The following NEU3 variants were observed in gnomAD, a reference collection of about 807,000 sequenced individuals.
NEU3 encodes the protein neuraminidase 3.
Under a neutral mutation model 11.4 loss-of-function variants are expected in NEU3, and 10 were observed. The ratio of observed to expected loss-of-function variants is 0.88; its 90% confidence interval spans 0.54 to 1.49. The LOEUF (loss-of-function observed/expected upper bound fraction) is 1.49. Among genes scored for constraint, NEU3 ranks in the 40% most tolerant of loss-of-function variants. NEU3 has a pLI of 0.00. For missense variants in NEU3, 529 were observed against 581.8 expected (o/e 0.91, Z 0.93); for synonymous variants, 212 against 228.2 (o/e 0.93, Z 0.64).
chr11:74,981,161 G>A, the NEU3 span, among the ~76,000 whole-genome samples: 2 of 152,284 alleles, frequency 1.3e-5, no homozygotes, highest in South Asian at 4.1e-4. Flanking sequence ...GATTTTTCTT[G>A]GCTGCCATAA....
Position 75,001,658 on chromosome 11 carries a change from C to T in NEU3, c.307-3755C>T, listed in dbSNP as rs192382436. Among the ~76,000 whole-genome samples, 8 of 152,302 alleles carry T rather than the reference C, an allele frequency of 5.3e-5. No homozygotes were observed. In the East Asian group the frequency reaches 1.5e-3, roughly 29 times the overall value. On this transcript the variant is annotated intron_variant, in intron 2 of 2. Coordinates refer to ENST00000294064, the MANE Select transcript of NEU3 (RefSeq NM_006656.6). The stretch of plus-strand genomic sequence containing the variant: ...CTGTTTTATCTCTGTCAAGCCTCAG[C>T]TTGTTTTATATGTCCCATTGCTCCA...
In NEU3 at chr11:75,009,889, A is replaced by G. The variant is rs1165873223; in HGVS notation, c.*3397A>G. 1 of 152,300 alleles carries G rather than the reference A, an allele frequency of 6.6e-6. No homozygotes were observed. The highest frequency in any genetic ancestry group is 1.5e-5 in the Non-Finnish European group (1 of 68,106). The allele number at this position is 152,300 out of a possible 1,614,324, so 9.4% of individuals were successfully genotyped here. A position where few individuals can be genotyped will look rare whatever the true frequency, so the allele number is the denominator to read the frequency against. ...CCCCTCCGATATTCACAGGACATCAAGCAGCTTCAGCCACGGGTAAGAGGC... is the reference window on the plus strand; with the variant it reads ...CCCCTCCGATATTCACAGGACATCAGGCAGCTTCAGCCACGGGTAAGAGGC... On this transcript the variant is annotated 3_prime_UTR_variant, in exon 3 of 3. Coordinates refer to ENST00000294064, the MANE Select transcript of NEU3 (RefSeq NM_006656.6).
chr11:74,999,350 C>G (rs1948821679), intron 2 of NEU3, among the ~76,000 whole-genome samples: 1 of 152,236 alleles, frequency 6.6e-6, no homozygotes, highest in Admixed American at 6.5e-5. Flanking sequence ...CATAACTTCA[C>G]TACTCAGTAG....
chr11:75,006,422 A>G lies in NEU3; in HGVS notation c.1316A>G (p.Glu439Gly). Residue 439 changes from glutamate (E) to glycine (G), a missense_variant, in exon 3 of 3, where the codon GAG becomes GGG. Physicochemically the swap from Glu to Gly is moderately conservative, Grantham distance 98. Transcript: ENST00000294064. ...GCCTTCCGCCTGTTTACACACCGGG[A>G]GATCCTGAGTCACCTGCAGGGGGAC... Reference protein sequence around the residue: ...QIAFRLFTHREILSHLQGDCT... With the variant: ...QIAFRLFTHRGILSHLQGDCT... 6.2e-7 allele frequency: 1 copy of G among 1,613,978 alleles called. No homozygotes were observed. The highest frequency in any genetic ancestry group is 8.5e-7 in the Non-Finnish European group (1 of 1,179,892).
chr11:74,981,242 G>A, the NEU3 span, among the ~76,000 whole-genome samples: 1 of 152,284 alleles, frequency 6.6e-6, no homozygotes, highest in African/African-American at 2.4e-5. Flanking sequence ...TGAGGATTGA[G>A]TAGTTGTCAG....
At chr11:75,004,748 G>A (rs1028670161) in intron 2 of NEU3, among the ~76,000 whole-genome samples, 3 of 152,144 alleles carry the variant, frequency 2.0e-5, no homozygotes, top group Admixed American at 6.5e-5. Flanking sequence ...TTTGAACTAG[G>A]TGTCTCTGAA....
intron 1 of NEU3, chr11:74,989,898 G>T: frequency 1.5e-6 from 1 of 686,196 alleles, no homozygotes; most frequent in South Asian, 1.5e-5. Flanking sequence ...GTAATCATTT[G>T]AATTCTCTGC....
At chr11:75,005,157 G>A (rs1948884593) in intron 2 of NEU3, among the ~76,000 whole-genome samples, 1 of 152,074 alleles carries the variant, frequency 6.6e-6, no homozygotes, top group African/African-American at 2.4e-5. Context: ...TATGGAGGAT[G>A]ATTTGGAAGT....
chr11:75,019,353 T>G (rs1948993237), downstream of NEU3, among the ~76,000 whole-genome samples: 1 of 152,190 alleles, frequency 6.6e-6, no homozygotes, highest in Admixed American at 6.5e-5. Flanking sequence ...CCTGGAGGCC[T>G]AGAAGGGAAA....
chr11:75,001,054 A>G (rs897141853), intron 2 of NEU3, among the ~76,000 whole-genome samples: 17 of 151,988 alleles, frequency 1.1e-4, no homozygotes, highest in Admixed American at 2.0e-4. Context: ...CATAGTGGCT[A>G]CACCATTTTA....
rs1463306284 is a variant in NEU3, at chr11:75,006,452, C to T, written c.1346C>T (p.Thr449Ile). Residue 449 changes from threonine (T) to isoleucine (I), a missense_variant, in exon 3 of 3, where the codon ACC becomes ATC. Physicochemically the swap from Thr to Ile is moderately conservative, Grantham distance 89. Coordinates refer to ENST00000294064, the MANE Select transcript of NEU3 (RefSeq NM_006656.6). ...CTGAGTCACCTGCAGGGGGACTGCA[C>T]CAGCCCTGGTAGGAACCCAAGCCAA... Reference protein sequence around the residue: ...EILSHLQGDCTSPGRNPSQFK... With the variant: ...EILSHLQGDCISPGRNPSQFK... 1 of 1,613,558 alleles carries T rather than the reference C, an allele frequency of 6.2e-7. No homozygotes were observed. Among genetic ancestry groups the T allele is most frequent in the African/African-American group, 1.3e-5 (1 of 74,886 alleles).
intron 2 of NEU3, among the ~76,000 whole-genome samples, chr11:75,004,069 C>T (rs1458478350): frequency 6.6e-6 from 1 of 152,074 alleles, no homozygotes; most frequent in African/African-American, 2.4e-5. Context: ...ATTTGATGAG[C>T]AGATATATCT....
rs755089060 is a variant in NEU3 at position 75,005,911 on chromosome 11, G to A, written c.805G>A (p.Gly269Ser). Reference protein sequence around the residue: ...CEVAEVTGRAGHPVLYCSART... With the variant: ...CEVAEVTGRASHPVLYCSART... Reference sequence around the variant, plus strand: ...AGTGGCAGAGGTGACTGGGAGGGCTGGCCACCCTGTGCTATATTGCAGTGC... The same window carrying A: ...AGTGGCAGAGGTGACTGGGAGGGCTAGCCACCCTGTGCTATATTGCAGTGC... The change falls in exon 3 of 3, where the codon GGC becomes AGC. Residue 269 changes from glycine (G) to serine (S), a missense_variant. Transcript: ENST00000294064. The A allele has an allele frequency of 2.5e-6, 4 of 1,613,574 alleles. No individual in the cohort carries two copies. The highest frequency in any genetic ancestry group is 2.5e-6 in the Non-Finnish European group (3 of 1,179,832).
chr11:75,007,206 A>G lies in NEU3; in HGVS notation c.*714A>G, dbSNP rs904896833. On this transcript the variant is annotated 3_prime_UTR_variant, in exon 3 of 3. Transcript: ENST00000294064. Reference sequence around the variant, plus strand: ...AATCTCAATGCCAGTAGTACTGGATAATAGTGCGTATTGCTTCTGGTGGCA... The same window carrying G: ...AATCTCAATGCCAGTAGTACTGGATGATAGTGCGTATTGCTTCTGGTGGCA... The G allele has an allele frequency of 1.3e-5, 2 of 152,210 alleles. No individual in the cohort carries two copies. The highest frequency in any genetic ancestry group is 6.5e-5 in the Admixed American group (1 of 15,280). 9.4% of individuals were successfully genotyped at this position (152,210 alleles called of 1,614,324 possible).
downstream of NEU3, among the ~76,000 whole-genome samples, chr11:75,019,917 A>G (rs1271884372): frequency 1.3e-5 from 2 of 152,202 alleles, no homozygotes; most frequent in African/African-American, 2.4e-5. Context: ...GCACCTGGAA[A>G]AGCTGCAGAC....
rs1000084599 is a variant in NEU3 at position 75,005,400 on chromosome 11, TCTC to T, written c.307-10_307-8del. The T allele has an allele frequency of 4.4e-6, 7 of 1,579,618 alleles. No individual in the cohort carries two copies. Among genetic ancestry groups the T allele is most frequent in the Non-Finnish European group, 6.0e-6 (7 of 1,162,126 alleles). On this transcript the variant is annotated splice_polypyrimidine_tract_variant and intron_variant, in intron 2 of 2. Coordinates refer to ENST00000294064, the MANE Select transcript of NEU3 (RefSeq NM_006656.6). ...AGTATCTCACTCCTACTTTCTCCCT[TCTC>T]CTTGTCTAGTGGGGGCCCCTGAAGC...
upstream of NEU3, among the ~76,000 whole-genome samples, chr11:74,984,791 C>G (rs1392923942): frequency 6.6e-6 from 1 of 152,136 alleles, no homozygotes; most frequent in African/African-American, 2.4e-5. Flanking sequence ...CTTAGACAAT[C>G]TGAACACAGT....
At chr11:74,990,576 T>C (rs1324520032) in intron 1 of NEU3, among the ~76,000 whole-genome samples, 1 of 152,084 alleles carries the variant, frequency 6.6e-6, no homozygotes, top group Non-Finnish European at 1.5e-5. Flanking sequence ...GCCAGGGTGG[T>C]CTCGAACTCC....
rs1948770152 is a variant in NEU3, at chr11:74,994,723, G to GGT, written c.306+3_306+4insGT. ...TGAGGATTGGGCAGTTGGTACAGGT[G>GGT]ACTCTTCATCCCAGATCTGAGTCTG... On this transcript the variant is annotated splice_donor_region_variant and intron_variant, in intron 2 of 2. Transcript: ENST00000294064. 4 of 1,613,000 alleles carry GGT rather than the reference G, an allele frequency of 2.5e-6. No individual in the cohort carries two copies. The highest frequency in any genetic ancestry group is 1.6e-4 in the Middle Eastern group (1 of 6,080).
Sources: allele counts gnomAD v4.1 joint callset (sites outside exome capture counted in the v4.1 genomes callset), GRCh38; gene constraint gnomAD v4.1.1; transcripts MANE v1.5; gene names NCBI Gene and HGNC (gene_info 2026-07-23, HGNC 2026-07-21).